Variants in ZNF264 observed in about 807,000 individuals in gnomAD.
ZNF264 encodes zinc finger protein 264.
ZNF264 carries 11 observed loss-of-function variants against 11.2 expected under a neutral mutation model. The ratio of observed to expected loss-of-function variants is 0.98; its 90% CI spans 0.62 to 1.63. ZNF264 has a LOEUF of 1.63. Ranked by LOEUF, ZNF264 falls within the 40% of genes most tolerant of loss-of-function variation. The probability of loss-of-function intolerance (pLI) is 0.00; values close to 1 mark genes in which losing one functional copy is unlikely to be tolerated. For synonymous variants in ZNF264, 309 were observed against 279.8 expected, an observed-to-expected ratio of 1.10 and a Z score of -1.04; for missense variants, 752 against 768.1, an observed-to-expected ratio of 0.98 and a Z score of 0.25.
chr19:57,211,951 A>T lies in ZNF264; in HGVS notation c.854A>T (p.Lys285Met). 6.2e-7 allele frequency: 1 copy of T among 1,614,066 alleles called. No homozygotes were observed. The highest frequency in any genetic ancestry group is 8.5e-7 in the Non-Finnish European group (1 of 1,180,018). The change falls in exon 4 of 4, where the codon AAG (lysine) becomes ATG (methionine). Residue 285 changes from lysine to methionine, a missense_variant. Coordinates refer to ENST00000263095, the MANE Select transcript of ZNF264 (RefSeq NM_003417.5). ...TQHQRIHSGE[K>M]PYKCNECGKA... ...CACCAGCGGATTCACAGTGGAGAGAAGCCTTACAAGTGCAATGAATGCGGA... is the reference window on the plus strand; with the variant it reads ...CACCAGCGGATTCACAGTGGAGAGATGCCTTACAAGTGCAATGAATGCGGA...
In ZNF264 at chr19:57,191,788, C is replaced by T; in HGVS notation, c.-126C>T. 2.9e-6 allele frequency: 2 copies of T among 682,064 alleles called. No individual in the cohort carries two copies. Among genetic ancestry groups the T allele is most frequent in the Non-Finnish European group, 4.1e-6 (2 of 483,806 alleles). 42.3% of individuals were successfully genotyped at this position (682,064 alleles called of 1,614,324 possible). A position where few individuals can be genotyped will look rare whatever the true frequency, so the allele number is the denominator to read the frequency against. ...CCTGCGTCTGGAACGCCGTTGCCAC[C>T]GAGGAGGCGGCGGCCCCGAGCGCGC... On this transcript the variant is annotated 5_prime_UTR_variant, in exon 1 of 4. Coordinates refer to ENST00000263095, the MANE Select transcript of ZNF264 (RefSeq NM_003417.5).
rs2087374771 is a variant in ZNF264, at chr19:57,215,615, A to G, written c.*2634A>G. On this transcript the variant is annotated 3_prime_UTR_variant, in exon 4 of 4. Coordinates refer to ENST00000263095, the MANE Select transcript of ZNF264 (RefSeq NM_003417.5). ...CTAACTTTTCAAGGTGGGGTTTTAG[A>G]TTATTGATTTGAGATTTTTTTGCTT... 1 of 152,130 alleles carries G rather than the reference A, an allele frequency of 6.6e-6. No individual in the cohort carries two copies. Among genetic ancestry groups the G allele is most frequent in the African/African-American group, 2.4e-5 (1 of 41,436 alleles). 9.4% of individuals were successfully genotyped at this position (152,130 alleles called of 1,614,324 possible). A position where few individuals can be genotyped will look rare whatever the true frequency, so the allele number is the denominator to read the frequency against.
intron 2 of ZNF264, among the ~76,000 whole-genome samples, chr19:57,200,974 A>G (rs1020949750): frequency 2.0e-5 from 3 of 151,972 alleles, no homozygotes; most frequent in African/African-American, 4.8e-5. Flanking sequence ...TATAATTACC[A>G]TATATGATTT....
chr19:57,205,465 G>C lies in ZNF264; in HGVS notation c.229G>C (p.Glu77Gln). Reference protein sequence around the residue: ...EHGQEPWTRKEDLSQDTCPGD... With the variant: ...EHGQEPWTRKQDLSQDTCPGD... Reference sequence around the variant, plus strand: ...TGGGCAGGAGCCATGGACCAGGAAGGAAGACCTCTCCCAAGACACCTGTCC... The same window carrying C: ...TGGGCAGGAGCCATGGACCAGGAAGCAAGACCTCTCCCAAGACACCTGTCC... The change falls in exon 3 of 4, where the codon GAA becomes CAA. Residue 77 changes from glutamate (E) to glutamine (Q), a missense_variant. Physicochemically the swap from Glu to Gln is conservative, Grantham distance 29 (BLOSUM62 2). Coordinates refer to ENST00000263095, the MANE Select transcript of ZNF264 (RefSeq NM_003417.5). 6.2e-7 allele frequency: 1 copy of C among 1,612,000 alleles called. No individual in the cohort carries two copies. Among genetic ancestry groups the C allele is most frequent in the Non-Finnish European group, 8.5e-7 (1 of 1,179,152 alleles).
At position 57,212,394 on chromosome 19, in the gene ZNF264, G is replaced by A. The variant is rs1277571952; in HGVS notation, c.1297G>A (p.Gly433Arg). The A allele has an allele frequency of 6.2e-7, 1 of 1,614,192 alleles. No individual in the cohort carries two copies. The highest frequency in any genetic ancestry group is 8.5e-7 in the Non-Finnish European group (1 of 1,180,038). The change falls in exon 4 of 4, where the codon GGA becomes AGA. Residue 433 changes from glycine to arginine, a missense_variant. Transcript: ENST00000263095. ...GEKPFVCSEC[G>R]KAFTHCSTFI... ...GAAGCCCTTCGTGTGCAGTGAATGT[G>A]GAAAGGCCTTCACCCACTGCTCTAC...
rs1204282050 is a variant in ZNF264 at position 57,217,809 on chromosome 19, A to G, written c.*4828A>G. The G allele has an allele frequency of 1.2e-5, 1 of 82,708 alleles. No individual in the cohort carries two copies. Among genetic ancestry groups the G allele is most frequent in the Admixed American group, 1.2e-4 (1 of 8,222 alleles). 5.1% of individuals were successfully genotyped at this position (82,708 alleles called of 1,614,324 possible). A position where few individuals can be genotyped will look rare whatever the true frequency, so the allele number is the denominator to read the frequency against. On this transcript the variant is annotated 3_prime_UTR_variant, in exon 4 of 4. Coordinates refer to ENST00000263095, the MANE Select transcript of ZNF264 (RefSeq NM_003417.5). ...CTTTTTTTTTTTTTTTTTTTTTTAA[A>G]GAGACAGAGTCTCACTCTGTCACCC...
chr19:57,212,222 A>G lies in ZNF264; in HGVS notation c.1125A>G (p.Glu375=). The change falls in exon 4 of 4, where the codon GAA becomes GAG. Residue 375 remains glutamate (E), a synonymous_variant. Coordinates refer to ENST00000263095, the MANE Select transcript of ZNF264 (RefSeq NM_003417.5). ...HTGEKPYECS[E]CGKVFLESAA... is the part of the protein sequence containing the mutation. ...GGGAGAAGCCCTATGAGTGCAGTGA[A>G]TGTGGGAAGGTCTTCTTGGAGAGTG... 1 of 1,613,854 alleles carries G rather than the reference A, an allele frequency of 6.2e-7. No homozygotes were observed. The highest frequency in any genetic ancestry group is 8.5e-7 in the Non-Finnish European group (1 of 1,179,968).
In ZNF264 at chr19:57,211,433, A is replaced by C; in HGVS notation, c.336A>C (p.Gln112His). The change falls in exon 4 of 4, where the codon CAA becomes CAC. Residue 112 changes from glutamine to histidine, a missense_variant. Transcript: ENST00000263095. ...ALSEGISLQG[Q>H]VTQGNSVDSQ... Reference sequence around the variant, plus strand: ...CAGAGGGAATCTCACTTCAGGGACAAGTGACACAAGGAAACTCAGTGGACT... The same window carrying C: ...CAGAGGGAATCTCACTTCAGGGACACGTGACACAAGGAAACTCAGTGGACT... 6.2e-7 allele frequency: 1 copy of C among 1,614,158 alleles called. No individual in the cohort carries two copies. The highest frequency in any genetic ancestry group is 2.2e-5 in the East Asian group (1 of 44,870).
At chr19:57,205,525 CT>C (rs1189125540) in intron 3 of ZNF264, 33 bp downstream of exon 3, 2 of 1,573,468 alleles carry the variant, frequency 1.3e-6, no homozygotes, top group Admixed American at 1.8e-5. Flanking sequence ...GTTGGAGTCC[CT>C]TCTGGCTTAA....
rs2087194268 is a variant in ZNF264 at position 57,193,977 on chromosome 19, A to T, written c.136A>T (p.Asn46Tyr). The change falls in exon 2 of 4, where the codon AAC becomes TAC. Residue 46 changes from asparagine (N) to tyrosine (Y), a missense_variant. Physicochemically the swap from Asn to Tyr is moderately radical, Grantham distance 143. Transcript: ENST00000263095. Reference protein sequence around the residue: ...RTLYQEVMLENCGLLVSLGCP... With the variant: ...RTLYQEVMLEYCGLLVSLGCP... ...CCTGTACCAGGAGGTGATGCTGGAA[A>T]ACTGTGGGCTCCTGGTGTCTCTGGG... The T allele has an allele frequency of 6.2e-7, 1 of 1,612,710 alleles. No individual in the cohort carries two copies. Among genetic ancestry groups the T allele is most frequent in the African/African-American group, 1.3e-5 (1 of 74,844 alleles).
chr19:57,202,936 G>A (rs2087263988), intron 2 of ZNF264, among the ~76,000 whole-genome samples: 2 of 149,406 alleles, frequency 1.3e-5, no homozygotes, highest in African/African-American at 5.1e-5. Flanking sequence ...TGTGGGATCC[G>A]AAGCTATCCC....
chr19:57,211,066 G>A (rs2087330904), intron 3 of ZNF264, among the ~76,000 whole-genome samples: 1 of 152,114 alleles, frequency 6.6e-6, no homozygotes, highest in African/African-American at 2.4e-5. Flanking sequence ...ACCATGCACG[G>A]TGTCGTCGTT....
chr19:57,192,640 C>G (rs922773782), intron 1 of ZNF264: 1 of 917,852 alleles, frequency 1.1e-6, no homozygotes, highest in African/African-American at 1.8e-5. Flanking sequence ...GGAAGCTGGT[C>G]TGGAGCCTGT....
At chr19:57,192,043 C>T in intron 1 of ZNF264, 97 bp downstream of exon 1, 1 of 1,184,742 alleles carries the variant, frequency 8.4e-7, no homozygotes. Flanking sequence ...GATTTGTCTT[C>T]GCAGTCGTCG....
intron 1 of ZNF264, 112 bp from the exon 2 acceptor site, chr19:57,193,763 G>A (rs1402816157): frequency 3.4e-6 from 5 of 1,452,464 alleles, no homozygotes; most frequent in East Asian, 2.3e-5. Context: ...CCCTCAGGAG[G>A]TGCTCTGTGA....
chr19:57,209,459 T>G (rs964969946), intron 3 of ZNF264, among the ~76,000 whole-genome samples: 1 of 152,248 alleles, frequency 6.6e-6, no homozygotes, highest in Non-Finnish European at 1.5e-5. Flanking sequence ...ATATTGAATT[T>G]ATATAATTTG....
At chr19:57,193,467 C>A (rs972352351) in intron 1 of ZNF264, 11 of 985,050 alleles carry the variant, frequency 1.1e-5, no homozygotes, top group Non-Finnish European at 1.2e-5. Context: ...CTAGGAACTT[C>A]TAGTCACTGT....
At position 57,212,392 on chromosome 19, in the gene ZNF264, G is replaced by A. The variant is rs747175205; in HGVS notation, c.1295G>A (p.Cys432Tyr). ...TGEKPFVCSE[C>Y]GKAFTHCSTF... Reference sequence around the variant, plus strand: ...GAGAAGCCCTTCGTGTGCAGTGAATGTGGAAAGGCCTTCACCCACTGCTCT... The same window carrying A: ...GAGAAGCCCTTCGTGTGCAGTGAATATGGAAAGGCCTTCACCCACTGCTCT... The change falls in exon 4 of 4, where the codon TGT becomes TAT. Residue 432 changes from cysteine to tyrosine, a missense_variant. Transcript: ENST00000263095. 3.1e-6 allele frequency: 5 copies of A among 1,614,178 alleles called. No homozygotes were observed. Among genetic ancestry groups the A allele is most frequent in the Non-Finnish European group, 3.4e-6 (4 of 1,180,032 alleles).
chr19:57,198,483 A>T (rs1295472400), intron 2 of ZNF264, among the ~76,000 whole-genome samples: 1 of 151,862 alleles, frequency 6.6e-6, no homozygotes, highest in Admixed American at 6.6e-5. Context: ...TCCCACCTTA[A>T]TAGCCTTCAC....
Sources: gnomAD v4.1 joint callset for allele counts (sites outside exome capture counted in the v4.1 genomes callset) on GRCh38, gnomAD v4.1.1 for gene constraint, MANE v1.5 for transcripts, NCBI Gene and HGNC (gene_info 2026-07-23, HGNC 2026-07-21) for gene names.